CDKAL1: variants seen among roughly 807,000 people sequenced by gnomAD.
CDKAL1 encodes the protein CDKAL1 threonylcarbamoyladenosine tRNA methylthiotransferase.
Under a neutral mutation model 68.2 loss-of-function variants are expected in CDKAL1, and 32 were observed. That is an observed-to-expected ratio of 0.47 (90% CI 0.35 to 0.63). CDKAL1 has a LOEUF of 0.63. Ranked by LOEUF, CDKAL1 falls within the 30% of genes least tolerant of loss-of-function variation. The pLI, the probability that CDKAL1 is intolerant of heterozygous loss-of-function variation, is 0.00. For synonymous variants in CDKAL1, 234 were observed against 244.3 expected, an observed-to-expected ratio of 0.96 and a Z score of 0.39; for missense variants, 606 against 696.7, an observed-to-expected ratio of 0.87 and a Z score of 1.47.
chr6:20,959,172 A>G (rs1168968655), intron 10 of CDKAL1, among the ~76,000 whole-genome samples: 2 of 152,212 alleles, frequency 1.3e-5, no homozygotes, highest in Non-Finnish European at 2.9e-5. Context: ...TATCACTCAT[A>G]GGCAGACAAG....
intron 4 of CDKAL1, among the ~76,000 whole-genome samples, chr6:20,628,320 C>T (rs1371963503): frequency 1.3e-5 from 2 of 151,888 alleles, no homozygotes; most frequent in Admixed American, 1.3e-4. Flanking sequence ...GTGTTGGATA[C>T]TTTGTAGATA....
At chr6:21,003,369 T>TATATATATATATATAC (rs1767546311) in intron 11 of CDKAL1, among the ~76,000 whole-genome samples, 1 of 46,626 alleles carries the variant, frequency 2.1e-5, no homozygotes, top group African/African-American at 8.8e-5. Flanking sequence ...TATATATATA[T>TATATATATATATATAC]ATACACACAC....
intron 9 of CDKAL1, among the ~76,000 whole-genome samples, chr6:20,952,901 A>T (rs1281567534): frequency 6.6e-6 from 1 of 152,210 alleles, no homozygotes; most frequent in Non-Finnish European, 1.5e-5. Flanking sequence ...ATCCTATTTG[A>T]AGGATCCATT....
intron 9 of CDKAL1, among the ~76,000 whole-genome samples, chr6:20,877,303 C>T (rs1040907717): frequency 1.3e-5 from 2 of 152,180 alleles, no homozygotes; most frequent in Non-Finnish European, 2.9e-5. Flanking sequence ...GATTTGTGAA[C>T]GTCATCTACA....
intron 11 of CDKAL1, among the ~76,000 whole-genome samples, chr6:21,040,221 G>A (rs1769843794): frequency 6.6e-6 from 1 of 152,108 alleles, no homozygotes; most frequent in Non-Finnish European, 1.5e-5. Context: ...ATACGATGGA[G>A]TTTTTGACGA....
intron 9 of CDKAL1, among the ~76,000 whole-genome samples, chr6:20,900,175 T>C (rs1216429706): frequency 6.6e-6 from 1 of 152,186 alleles, no homozygotes; most frequent in Non-Finnish European, 1.5e-5. Context: ...CGATTTATAC[T>C]ATATAGAATT....
chr6:21,196,453 A>C (rs1778473462), intron 13 of CDKAL1, among the ~76,000 whole-genome samples: 1 of 152,220 alleles, frequency 6.6e-6, no homozygotes, highest in Non-Finnish European at 1.5e-5. Context: ...TAATGTTGCC[A>C]GAACTTCCAT....
rs578230438 is a variant in CDKAL1 at position 20,608,499 on chromosome 6, T to C, written c.287-40794T>C. On this transcript the variant is annotated intron_variant, in intron 4 of 15. Coordinates refer to ENST00000274695, the MANE Select transcript of CDKAL1 (RefSeq NM_017774.3). ...TATATCCTTGACGAGGACACTATTT[T>C]GTTGCTGACATATGGTTAGTCATGA... Among the ~76,000 whole-genome samples the C allele has an allele frequency of 6.6e-5, 10 of 152,344 alleles. No individual in the cohort carries two copies. The South Asian group carries it at 2.1e-3, about 32-fold the overall frequency.
chr6:20,542,642 T>G (rs1198084609), intron 2 of CDKAL1, among the ~76,000 whole-genome samples: 1 of 152,160 alleles, frequency 6.6e-6, no homozygotes, highest in African/African-American at 2.4e-5. Flanking sequence ...GTTGTAAAAC[T>G]TATGCAGAGA....
chr6:20,626,602 A>G (rs964967052), intron 4 of CDKAL1, among the ~76,000 whole-genome samples: 4 of 152,150 alleles, frequency 2.6e-5, no homozygotes, highest in Non-Finnish European at 5.9e-5. Flanking sequence ...ATTGTATGTA[A>G]CAGAATACCC....
At chr6:20,634,212 A>G (rs1271358692) in intron 4 of CDKAL1, among the ~76,000 whole-genome samples, 1 of 152,238 alleles carries the variant, frequency 6.6e-6, no homozygotes, top group Non-Finnish European at 1.5e-5. Context: ...TTTACTAAAT[A>G]GAACTATTTT....
At chr6:20,921,922 C>T (rs1192097020) in intron 9 of CDKAL1, among the ~76,000 whole-genome samples, 2 of 152,160 alleles carry the variant, frequency 1.3e-5, no homozygotes, top group Non-Finnish European at 2.9e-5. Context: ...AACTTTTCTT[C>T]TCAGGTTGAG....
intron 9 of CDKAL1, among the ~76,000 whole-genome samples, chr6:20,895,541 A>T (rs1761635499): frequency 6.6e-6 from 1 of 152,212 alleles, no homozygotes; most frequent in African/African-American, 2.4e-5. Flanking sequence ...AATGAACTCA[A>T]ATGCCTTACA....
At chr6:20,554,077 C>G (rs1455134374) in intron 4 of CDKAL1, among the ~76,000 whole-genome samples, 2 of 152,236 alleles carry the variant, frequency 1.3e-5, no homozygotes, top group African/African-American at 4.8e-5. Flanking sequence ...CTTGGCCTCC[C>G]AAAGTGCTGG....
chr6:20,866,098 T>C (rs185037094), intron 9 of CDKAL1, among the ~76,000 whole-genome samples: 1 of 152,176 alleles, frequency 6.6e-6, no homozygotes, highest in Non-Finnish European at 1.5e-5. Flanking sequence ...ATAAACCTAC[T>C]TTTGTTTCTA....
At position 20,955,761 on chromosome 6, in the gene CDKAL1, A is replaced by G. The variant is rs529512394; in HGVS notation, c.909+176A>G. Among the ~76,000 whole-genome samples, 6 of 152,126 alleles carry G rather than the reference A, an allele frequency of 3.9e-5. No individual in the cohort carries two copies. The East Asian group carries it at 1.2e-3, about 29-fold the overall frequency. Reference sequence around the variant, plus strand: ...CAAATCCCCTTCTTTGGCAGGCAACACTTTTTTACTTCCTCATCATTAATT... The same window carrying G: ...CAAATCCCCTTCTTTGGCAGGCAACGCTTTTTTACTTCCTCATCATTAATT... On this transcript the variant is annotated intron_variant, in intron 10 of 15. Transcript: ENST00000274695.
At chr6:20,970,432 T>C (rs1180810250) in intron 10 of CDKAL1, among the ~76,000 whole-genome samples, 3 of 152,180 alleles carry the variant, frequency 2.0e-5, no homozygotes, top group Admixed American at 6.5e-5. Context: ...TTTTTGTCAG[T>C]GTTCTCATTG....
chr6:20,792,859 G>C (rs1408051915), intron 8 of CDKAL1, among the ~76,000 whole-genome samples: 1 of 152,166 alleles, frequency 6.6e-6, no homozygotes, highest in Non-Finnish European at 1.5e-5. Flanking sequence ...GTGTAGTTTA[G>C]TTAACTGGGA....
chr6:20,817,845 A>G (rs1412083136), intron 8 of CDKAL1, among the ~76,000 whole-genome samples: 2 of 152,208 alleles, frequency 1.3e-5, no homozygotes, highest in Middle Eastern at 3.4e-3. Flanking sequence ...TCAGTAAGGA[A>G]CTTTTATCAT....
Sources: allele counts gnomAD v4.1 joint callset (sites outside exome capture counted in the v4.1 genomes callset), GRCh38; gene constraint gnomAD v4.1.1; transcripts MANE v1.5; gene names NCBI Gene and HGNC (gene_info 2026-07-23, HGNC 2026-07-21).